MILR1: variants seen among roughly 807,000 people sequenced by gnomAD.
The protein encoded by MILR1 is allergin-1.
MILR1 carries 31 observed loss-of-function variants against 18.5 expected under a neutral mutation model. The ratio of observed to expected loss-of-function variants is 1.68; its 90% CI spans 1.26 to 2.26. The LOEUF is 2.26. Ranked by LOEUF, MILR1 falls within the 30% of genes most tolerant of loss-of-function variation. MILR1 has a pLI of 0.00. For synonymous variants in MILR1, 85 were observed against 56.2 expected (o/e 1.51, Z -2.30); for missense variants, 257 against 157.4 (o/e 1.63, Z -3.38).
the MILR1 span, among the ~76,000 whole-genome samples, chr17:64,475,324 TACTC>T: frequency 6.6e-6 from 1 of 151,836 alleles, no homozygotes; most frequent in African/African-American, 2.4e-5. Context: ...GGTAAGCAAA[TACTC>T]GGTGAGAAGC....
intron 3 of MILR1, 80 bp from the exon 4 acceptor site, chr17:64,457,320 A>G (rs1298709407): frequency 7.0e-6 from 3 of 427,004 alleles, no homozygotes; most frequent in Non-Finnish European, 1.3e-5. Context: ...GGAGTGGAGT[A>G]AGGGTTCCAC....
chr17:64,461,560 T>A (rs2037433240), intron 5 of MILR1, among the ~76,000 whole-genome samples: 1 of 152,122 alleles, frequency 6.6e-6, no homozygotes. Context: ...CATCTTGAAA[T>A]TCTTCATAAT....
intron 4 of MILR1, 56 bp downstream of exon 4, chr17:64,457,740 G>A (rs1388639043): frequency 6.4e-6 from 3 of 466,668 alleles, no homozygotes; most frequent in African/African-American, 5.9e-5. Context: ...AGAAACTGCA[G>A]CTGCTCCTCT....
Position 64,455,761 on chromosome 17 carries a change from G to A in MILR1, c.368-1639G>A, listed in dbSNP as rs974463577. Among the ~76,000 whole-genome samples the A allele has an allele frequency of 2.7e-4, 41 of 151,610 alleles. 1 individual carries two copies. Among genetic ancestry groups the A allele is most frequent in the Non-Finnish European group, 2.4e-4 (16 of 67,932 alleles). On this transcript the variant is annotated intron_variant, in intron 3 of 9. Transcript: ENST00000619286. ...AAATGTTTAAAGAGAACACAGGGCC[G>A]GCTGCAGTGGCTCACGCCTGTAATC... is the stretch of plus-strand genomic sequence containing the variant.
At chr17:64,494,012 A>G in the MILR1 span, among the ~76,000 whole-genome samples, 1 of 152,210 alleles carries the variant, frequency 6.6e-6, no homozygotes, top group African/African-American at 2.4e-5. Flanking sequence ...AATCTAACAT[A>G]TGGTGATATT....
At chr17:64,449,448 T>C in intron 2 of MILR1, 93 bp downstream of exon 2, 1 of 414,134 alleles carries the variant, frequency 2.4e-6, no homozygotes, top group Admixed American at 4.4e-5. Flanking sequence ...CAAAAGTGTT[T>C]CTGAGCTTTT....
At chr17:64,449,942 CTTTCT>C (rs1372934448) in intron 2 of MILR1, among the ~76,000 whole-genome samples, 7 of 94,266 alleles carry the variant, frequency 7.4e-5, no homozygotes, top group African/African-American at 3.5e-4. Flanking sequence ...TTCTTTCTTT[CTTTCT>C]TTTTTTTTTT....
At chr17:64,494,562 G>C in the MILR1 span, among the ~76,000 whole-genome samples, 1 of 152,024 alleles carries the variant, frequency 6.6e-6, no homozygotes, top group Non-Finnish European at 1.5e-5. Context: ...AAAAACATAA[G>C]CTTTCTCTAC....
At chr17:64,495,191 A>AT in the MILR1 span, among the ~76,000 whole-genome samples, 1 of 151,164 alleles carries the variant, frequency 6.6e-6, no homozygotes, top group East Asian at 1.9e-4. Context: ...AAAAAAAAAA[A>AT]AAGGAACCAG....
intron 3 of MILR1, among the ~76,000 whole-genome samples, chr17:64,453,964 C>T (rs2037233597): frequency 2.0e-5 from 3 of 152,196 alleles, no homozygotes; most frequent in East Asian, 1.9e-4. Flanking sequence ...GAGTCTCGCC[C>T]TGTCACCCAG....
the MILR1 span, chr17:64,493,051 C>G: frequency 8.1e-6 from 13 of 1,612,314 alleles, no homozygotes; most frequent in East Asian, 2.7e-4. Context: ...TCATTGTATA[C>G]ATCTAGTCCA....
the MILR1 span, among the ~76,000 whole-genome samples, chr17:64,486,477 T>C: frequency 2.0e-5 from 3 of 152,124 alleles, no homozygotes; most frequent in East Asian, 5.8e-4. Flanking sequence ...TTCTCTTGCC[T>C]CAGTCTCCTG....
At chr17:64,483,177 T>C in the MILR1 span, among the ~76,000 whole-genome samples, 3 of 152,314 alleles carry the variant, frequency 2.0e-5, no homozygotes, top group East Asian at 5.8e-4. Context: ...TAGTAACATA[T>C]TCAGCTGCCC....
chr17:64,457,776 C>T (rs977704659), intron 4 of MILR1, 92 bp downstream of exon 4: 6 of 462,030 alleles, frequency 1.3e-5, no homozygotes, highest in Non-Finnish European at 2.3e-5. Context: ...ACCATGGCCA[C>T]CTGACCTTCC....
At chr17:64,478,095 C>T in the MILR1 span, 43 of 1,211,658 alleles carry the variant, frequency 3.5e-5, no homozygotes, top group Middle Eastern at 4.4e-4. Flanking sequence ...GAGTCACAGA[C>T]TCAGGGCTTA....
chr17:64,453,271 G>A (rs1232658111), intron 3 of MILR1, among the ~76,000 whole-genome samples: 2 of 151,754 alleles, frequency 1.3e-5, no homozygotes, highest in African/African-American at 2.4e-5. Flanking sequence ...GTTTCACCAT[G>A]TTGGTCAGGC....
chr17:64,491,948 A>C, the MILR1 span, among the ~76,000 whole-genome samples: 8 of 152,024 alleles, frequency 5.3e-5, no homozygotes, highest in Admixed American at 4.6e-4. Context: ...ACAAAAAAAA[A>C]ACCAAAAACA....
At chr17:64,480,258 A>C in the MILR1 span, 135,894 of 982,918 alleles carry the variant, frequency 0.14, 21,442 homozygotes, top group African/African-American at 0.7. Flanking sequence ...TCTTGAATAA[A>C]TACACTCTTT....
chr17:64,481,453 C>T, the MILR1 span: 20 of 981,866 alleles, frequency 2.0e-5, no homozygotes, highest in Non-Finnish European at 2.4e-5. Flanking sequence ...GTCTCTGGAA[C>T]GAAATGAAAG....
Sources: gnomAD v4.1 joint callset for allele counts (sites outside exome capture counted in the v4.1 genomes callset) on GRCh38, gnomAD v4.1.1 for gene constraint, MANE v1.5 for transcripts, NCBI Gene and HGNC (gene_info 2026-07-23, HGNC 2026-07-21) for gene names.